CNTN4: variants seen among roughly 807,000 people sequenced by gnomAD.
The protein encoded by CNTN4 is contactin 4, also known as contactin-4.
In CNTN4, 77 loss-of-function variants were observed where a neutral mutation model predicts 122.5. The observed-to-expected ratio is 0.63, with a 90% CI of 0.52 to 0.76. The LOEUF is 0.76. Ranked by LOEUF, CNTN4 falls within the 30% of genes least tolerant of loss-of-function variation. CNTN4 has a pLI of 0.00. For missense variants in CNTN4, 1,256 were observed against 1,259.1 expected, an observed-to-expected ratio of 1.00 and a Z score of 0.04; for synonymous variants, 512 against 447.0, an observed-to-expected ratio of 1.15 and a Z score of -1.83.
chr3:2,817,309 A>G (rs1243589506), intron 6 of CNTN4, among the ~76,000 whole-genome samples: 2 of 152,230 alleles, frequency 1.3e-5, no homozygotes, highest in Non-Finnish European at 2.9e-5. Flanking sequence ...TGCCCATGGT[A>G]TGTAGACCTG....
rs368273336 is a variant in CNTN4, at chr3:2,565,764, A to T, written c.-88-5652A>T. On this transcript the variant is annotated intron_variant, in intron 3 of 24. Coordinates refer to ENST00000418658, the MANE Select transcript of CNTN4 (RefSeq NM_175607.3). The stretch of plus-strand genomic sequence containing the variant: ...GGCATATTGCTTTCTGAGGAAGCCT[A>T]TTTAATCTCTTGCTTTCATTTCTGT... 7.9e-5 allele frequency among the ~76,000 whole-genome samples: 12 copies of T among 152,254 alleles called. No individual in the cohort carries two copies. The East Asian group carries it at 1.7e-3, about 22-fold the overall frequency.
rs562243830 is a variant in CNTN4 at position 2,573,430 on chromosome 3, C to T, written c.55+1872C>T. Among the ~76,000 whole-genome samples the T allele has an allele frequency of 1.6e-4, 25 of 152,248 alleles. 1 individual carries two copies. In the South Asian group the frequency reaches 5.2e-3, roughly 32 times the overall value. ...GCAGTATGCCCAGGCTCTAATACCT[C>T]AGTTGTTTTTCTCTGGGACCTTGAC... is the stretch of plus-strand genomic sequence containing the variant. On this transcript the variant is annotated intron_variant, in intron 4 of 24. Coordinates refer to ENST00000418658, the MANE Select transcript of CNTN4 (RefSeq NM_175607.3).
intron 3 of CNTN4, among the ~76,000 whole-genome samples, chr3:2,527,842 A>T (rs746310139): frequency 1.3e-5 from 2 of 152,124 alleles, no homozygotes; most frequent in African/African-American, 2.4e-5. Context: ...CCACAGTTGG[A>T]TACTTGATCC....
intron 4 of CNTN4, among the ~76,000 whole-genome samples, chr3:2,677,802 A>G (rs1230893873): frequency 6.6e-6 from 1 of 152,188 alleles, no homozygotes; most frequent in East Asian, 1.9e-4. Flanking sequence ...TAGAAAAAAA[A>G]AATAACAGGT....
chr3:2,745,216 A>G (rs932894457), intron 5 of CNTN4, among the ~76,000 whole-genome samples: 5 of 152,240 alleles, frequency 3.3e-5, no homozygotes, highest in African/African-American at 1.2e-4. Flanking sequence ...CACAGGTGCT[A>G]TGAGAAATCT....
chr3:2,335,585 T>G (rs75606062), intron 2 of CNTN4, among the ~76,000 whole-genome samples: 1 of 2,322 alleles, frequency 4.3e-4, no homozygotes, highest in African/African-American at 5.3e-4. Context: ...ATTCTGTGGG[T>G]TTTTTTTTTT....
At chr3:2,403,676 T>G (rs2046935660) in intron 3 of CNTN4, among the ~76,000 whole-genome samples, 1 of 152,320 alleles carries the variant, frequency 6.6e-6, no homozygotes, top group South Asian at 2.1e-4. Flanking sequence ...ACCTGCTGAT[T>G]GTTTATATTT....
In CNTN4 at chr3:2,961,231, C is replaced by CAAAAAAAAAAAAA. The variant is rs59790353; in HGVS notation, c.1359-27107_1359-27095dup. Among the ~76,000 whole-genome samples, 234 of 37,196 alleles carry CAAAAAAAAAAAAA rather than the reference C, an allele frequency of 6.3e-3. 10 individuals are homozygous for CAAAAAAAAAAAAA. The highest frequency in any genetic ancestry group is 9.7e-3 in the African/African-American group (97 of 10,026). 24.4% of individuals were successfully genotyped at this position (37,196 alleles called of 152,430 possible). On this transcript the variant is annotated intron_variant, in intron 13 of 24. Coordinates refer to ENST00000418658, the MANE Select transcript of CNTN4 (RefSeq NM_175607.3). ...GGCGACAGAACGAGACTCCATCTCACAAAAAAAAAAAAAAAAAAAGGCCTA... is the reference window on the plus strand; with the variant it reads ...GGCGACAGAACGAGACTCCATCTCACAAAAAAAAAAAAAAAAAAAAAAAAAAAAAAAAGGCCTA...
chr3:2,153,153 A>G (rs772832737), intron 2 of CNTN4, among the ~76,000 whole-genome samples: 4 of 152,130 alleles, frequency 2.6e-5, no homozygotes, highest in African/African-American at 4.8e-5. Flanking sequence ...AGGAGTCTGG[A>G]GTTGAGAAGA....
chr3:3,052,863 C>G (rs1701401810), intron 23 of CNTN4, among the ~76,000 whole-genome samples: 1 of 152,166 alleles, frequency 6.6e-6, no homozygotes, highest in Admixed American at 6.5e-5. Flanking sequence ...ATATCTTCTC[C>G]CTGTGCTGAA....
At chr3:2,836,746 GA>G (rs2093233600) in intron 7 of CNTN4, among the ~76,000 whole-genome samples, 1 of 137,790 alleles carries the variant, frequency 7.3e-6, no homozygotes, top group African/African-American at 2.7e-5. Flanking sequence ...AAAACATAAT[GA>G]AGAGTAAAAA....
intron 3 of CNTN4, among the ~76,000 whole-genome samples, chr3:2,526,048 AG>A (rs2077386668): frequency 6.6e-6 from 1 of 152,122 alleles, no homozygotes; most frequent in Admixed American, 6.6e-5. Flanking sequence ...AGAATCAAAA[AG>A]GTAGTGTGAC....
intron 6 of CNTN4, among the ~76,000 whole-genome samples, chr3:2,816,374 A>G (rs71613526): frequency 0.33 from 49,813 of 151,094 alleles, 9,082 homozygotes; most frequent in Non-Finnish European, 0.41. Flanking sequence ...AAAAAAATAA[A>G]TAAATAAAAT....
intron 3 of CNTN4, among the ~76,000 whole-genome samples, chr3:2,425,423 G>A (rs1444858123): frequency 6.6e-6 from 1 of 152,016 alleles, no homozygotes. Flanking sequence ...CTGTTCCATT[G>A]GTCTTCATCT....
intron 3 of CNTN4, among the ~76,000 whole-genome samples, chr3:2,412,129 T>C (rs1184554898): frequency 1.3e-5 from 2 of 152,232 alleles, no homozygotes; most frequent in African/African-American, 4.8e-5. Flanking sequence ...TTTGAGATTC[T>C]TTTGTATTCC....
chr3:2,100,775 T>C (rs1365450520), intron 2 of CNTN4, 136 bp downstream of exon 2: 1 of 152,212 alleles, frequency 6.6e-6, no homozygotes, highest in Non-Finnish European at 1.5e-5. Context: ...TGCTACCTTA[T>C]AAAATAGCTA....
chr3:2,998,007 T>C (rs961133752), intron 14 of CNTN4, among the ~76,000 whole-genome samples: 1 of 152,196 alleles, frequency 6.6e-6, no homozygotes, highest in Admixed American at 6.5e-5. Context: ...AAGTAAAGCT[T>C]GGATTCTACC....
chr3:2,626,595 ATAAT>A (rs2082200865), intron 4 of CNTN4, among the ~76,000 whole-genome samples: 1 of 152,188 alleles, frequency 6.6e-6, no homozygotes, highest in Non-Finnish European at 1.5e-5. Flanking sequence ...AAGAGGGAAA[ATAAT>A]TACCCAAGAG....
At chr3:3,012,938 A>C (rs544185585) in intron 14 of CNTN4, among the ~76,000 whole-genome samples, 1 of 151,902 alleles carries the variant, frequency 6.6e-6, no homozygotes, top group African/African-American at 2.4e-5. Flanking sequence ...GTTGCACTCC[A>C]GCCCGGGCAA....
Sources: gnomAD v4.1 joint callset for allele counts (sites outside exome capture counted in the v4.1 genomes callset) on GRCh38, gnomAD v4.1.1 for gene constraint, MANE v1.5 for transcripts, NCBI Gene and HGNC (gene_info 2026-07-23, HGNC 2026-07-21) for gene names.